SH3BGRL2: variants seen among roughly 807,000 people sequenced by gnomAD.
SH3BGRL2 encodes the protein SH3 domain binding glutamate rich protein like 2, also known as SH3 domain-binding glutamic acid-rich-like protein 2.
Under a neutral mutation model 14.8 loss-of-function variants are expected in SH3BGRL2, and 21 were observed. The ratio of observed to expected loss-of-function variants is 1.42; its 90% CI spans 1.01 to 2.05. The LOEUF (loss-of-function observed/expected upper bound fraction) is 2.05, where lower values mean the gene tolerates loss of function less well. Among genes scored for constraint, SH3BGRL2 ranks in the 30% most tolerant of loss-of-function variants. SH3BGRL2 has a pLI of 0.00. For missense variants in SH3BGRL2, 147 were observed against 130.8 expected (o/e 1.12, Z -0.61); for synonymous variants, 50 against 47.8 (o/e 1.05, Z -0.19).
chr6:79,593,637 A>T, the SH3BGRL2 span, among the ~76,000 whole-genome samples: 1 of 152,160 alleles, frequency 6.6e-6, no homozygotes, highest in Admixed American at 6.5e-5. Context: ...AAAAAAATAC[A>T]TTGCATATTA....
At chr6:79,686,581 C>T (rs1025410609) in intron 2 of SH3BGRL2, among the ~76,000 whole-genome samples, 1 of 152,094 alleles carries the variant, frequency 6.6e-6, no homozygotes, top group African/African-American at 2.4e-5. Flanking sequence ...TTTTCAGGAG[C>T]TCTTTTGTTT....
At chr6:79,540,303 CG>C in the SH3BGRL2 span, among the ~76,000 whole-genome samples, 4 of 151,876 alleles carry the variant, frequency 2.6e-5, no homozygotes, top group Non-Finnish European at 5.9e-5. Flanking sequence ...GGCGTGGTGG[CG>C]GGTGCCTGTA....
At chr6:79,616,063 G>A in the SH3BGRL2 span, among the ~76,000 whole-genome samples, 2 of 151,872 alleles carry the variant, frequency 1.3e-5, no homozygotes, top group African/African-American at 4.8e-5. Context: ...TGATCCACCC[G>A]CCTTGGCCTC....
At chr6:79,555,124 G>A in the SH3BGRL2 span, among the ~76,000 whole-genome samples, 8 of 152,018 alleles carry the variant, frequency 5.3e-5, no homozygotes, top group Non-Finnish European at 8.8e-5. Context: ...AGGCTAATTG[G>A]CATTTTAAAA....
intron 1 of SH3BGRL2, 116 bp downstream of exon 1, chr6:79,631,622 C>G (rs1454271892): frequency 7.7e-6 from 6 of 779,216 alleles, no homozygotes; most frequent in Admixed American, 4.6e-5. Flanking sequence ...CGCGGGAGCC[C>G]GCGCCCGGCA....
chr6:79,640,785 T>G (rs1006300824), intron 1 of SH3BGRL2, among the ~76,000 whole-genome samples: 2 of 151,972 alleles, frequency 1.3e-5, no homozygotes, highest in African/African-American at 4.8e-5. Context: ...CTAACTAATT[T>G]AGGATGTGTT....
At chr6:79,683,053 G>A (rs115816448) in intron 2 of SH3BGRL2, among the ~76,000 whole-genome samples, 18,129 of 152,162 alleles carry the variant, frequency 0.12, 1,236 homozygotes, top group Non-Finnish European at 0.15. Context: ...CCTGTCGAGC[G>A]GGGGAGCTGG....
intron 2 of SH3BGRL2, among the ~76,000 whole-genome samples, chr6:79,685,668 A>G (rs1196381328): frequency 6.6e-6 from 1 of 151,862 alleles, no homozygotes; most frequent in South Asian, 2.1e-4. Context: ...ATAATTATAT[A>G]AATGTATATT....
chr6:79,689,605 G>A (rs1770168393), intron 2 of SH3BGRL2, among the ~76,000 whole-genome samples: 1 of 151,798 alleles, frequency 6.6e-6, no homozygotes, highest in Non-Finnish European at 1.5e-5. Flanking sequence ...TCAGGCTGGA[G>A]TGCAGTGGTA....
the SH3BGRL2 span, among the ~76,000 whole-genome samples, chr6:79,570,244 T>C: frequency 6.6e-6 from 1 of 152,272 alleles, no homozygotes; most frequent in East Asian, 1.9e-4. Context: ...AGAAATCTCC[T>C]AACACAACAA....
intron 1 of SH3BGRL2, among the ~76,000 whole-genome samples, chr6:79,655,711 C>G (rs1027225218): frequency 6.6e-5 from 10 of 152,216 alleles, no homozygotes; most frequent in Non-Finnish European, 1.5e-4. Flanking sequence ...TGACTGACTT[C>G]TTTCTCTTAG....
chr6:79,572,524 G>T, the SH3BGRL2 span, among the ~76,000 whole-genome samples: 1 of 151,914 alleles, frequency 6.6e-6, no homozygotes, highest in African/African-American at 2.4e-5. Context: ...GGAGTGCAGT[G>T]GCGTGATCTC....
At chr6:79,635,827 G>A (rs1768911603) in intron 1 of SH3BGRL2, among the ~76,000 whole-genome samples, 2 of 152,204 alleles carry the variant, frequency 1.3e-5, no homozygotes, top group South Asian at 4.1e-4. Flanking sequence ...CTTGCTGTTT[G>A]CAACTGTAAA....
chr6:79,596,050 TAAAC>T, the SH3BGRL2 span, among the ~76,000 whole-genome samples: 3 of 152,156 alleles, frequency 2.0e-5, no homozygotes, highest in Non-Finnish European at 2.9e-5. Flanking sequence ...AAAATAAAAT[TAAAC>T]AATTCCATTT....
the SH3BGRL2 span, among the ~76,000 whole-genome samples, chr6:79,584,296 T>C: frequency 6.6e-6 from 1 of 152,188 alleles, no homozygotes; most frequent in Non-Finnish European, 1.5e-5. Context: ...TATCTGTTGT[T>C]CAAGGAATGT....
chr6:79,636,921 A>G (rs372894977), intron 1 of SH3BGRL2, among the ~76,000 whole-genome samples: 1 of 152,198 alleles, frequency 6.6e-6, no homozygotes, highest in East Asian at 1.9e-4. Context: ...CCTATTTCCA[A>G]ATAAGGTCAC....
At chr6:79,554,791 G>A in the SH3BGRL2 span, among the ~76,000 whole-genome samples, 1 of 151,984 alleles carries the variant, frequency 6.6e-6, no homozygotes, top group African/African-American at 2.4e-5. Flanking sequence ...TTGTAAAATG[G>A]AAAATATAAT....
At chr6:79,595,733 T>C in the SH3BGRL2 span, among the ~76,000 whole-genome samples, 2 of 152,198 alleles carry the variant, frequency 1.3e-5, no homozygotes, top group African/African-American at 4.8e-5. Flanking sequence ...TGGTAAAAGA[T>C]TGGTTGCATT....
At chr6:79,622,580 A>G in the SH3BGRL2 span, among the ~76,000 whole-genome samples, 1 of 152,152 alleles carries the variant, frequency 6.6e-6, no homozygotes, top group Non-Finnish European at 1.5e-5. Context: ...TGTGCTAGCT[A>G]AAAGTGTTTC....
Sources: gnomAD v4.1 joint callset for allele counts (sites outside exome capture counted in the v4.1 genomes callset) on GRCh38, gnomAD v4.1.1 for gene constraint, MANE v1.5 for transcripts, NCBI Gene and HGNC (gene_info 2026-07-23, HGNC 2026-07-21) for gene names.